The following CUX1 variants were observed in gnomAD, a reference collection of about 807,000 sequenced individuals.
CUX1 encodes protein CASP.
Under a neutral mutation model 158.8 loss-of-function variants are expected in CUX1, and 31 were observed. The ratio of observed to expected loss-of-function variants is 0.20; its 90% CI spans 0.15 to 0.26. CUX1 has a LOEUF of 0.26. CUX1 is among the 10% of genes least tolerant of loss of function. The probability of loss-of-function intolerance (pLI) is 1.00; values close to 1 mark genes in which losing one functional copy is unlikely to be tolerated. For synonymous variants in CUX1, 879 were observed against 862.1 expected, an observed-to-expected ratio of 1.02 and a Z score of -0.34; for missense variants, 1,589 against 2,014.6, an observed-to-expected ratio of 0.79 and a Z score of 4.04.
At chr7:102,246,305 C>T (rs1161346068) in intron 23 of CUX1, among the ~76,000 whole-genome samples, 1 of 152,188 alleles carries the variant, frequency 6.6e-6, no homozygotes, top group African/African-American at 2.4e-5. Context: ...CCCAAGGTAG[C>T]CCCAGGGAAG....
intron 1 of CUX1, among the ~76,000 whole-genome samples, chr7:101,864,518 T>A (rs1797759807): frequency 1.3e-5 from 2 of 151,824 alleles, no homozygotes; most frequent in Non-Finnish European, 2.9e-5. Flanking sequence ...TGGTATCTCA[T>A]TGTGGTTTTG....
chr7:102,223,065 A>G (rs1004630615), intron 20 of CUX1, among the ~76,000 whole-genome samples: 1 of 150,640 alleles, frequency 6.6e-6, no homozygotes, highest in Non-Finnish European at 1.5e-5. Flanking sequence ...CAGCCTCCCA[A>G]AGTGCTGGGA....
chr7:101,986,369 G>A (rs1411903972), intron 2 of CUX1, among the ~76,000 whole-genome samples: 2 of 152,170 alleles, frequency 1.3e-5, no homozygotes, highest in African/African-American at 4.8e-5. Context: ...TAGAATACAA[G>A]GCTCTTTTCC....
At chr7:101,845,017 A>AT (rs1408391843) in intron 1 of CUX1, among the ~76,000 whole-genome samples, 1 of 151,784 alleles carries the variant, frequency 6.6e-6, no homozygotes, top group Admixed American at 6.6e-5. Flanking sequence ...CTGATGTCTT[A>AT]TTTTTTTCTT....
intron 2 of CUX1, among the ~76,000 whole-genome samples, chr7:101,969,359 C>CAAAAAAAAAAAAAAAAAAAAAAAG (rs1811641271): frequency 1.0e-3 from 56 of 56,102 alleles, no homozygotes; most frequent in Non-Finnish European, 1.2e-3. Flanking sequence ...CAAAAAACAG[C>CAAAAAAAAAAAAAAAAAAAAAAAG]AAAAAAAAAA....
At position 102,227,475 on chromosome 7, in the gene CUX1, C is replaced by G. The variant is rs782476264; in HGVS notation, c.3239C>G (p.Pro1080Arg). 3 of 1,614,130 alleles carry G rather than the reference C, an allele frequency of 1.9e-6. No individual in the cohort carries two copies. The highest frequency in any genetic ancestry group is 1.3e-5 in the African/African-American group (1 of 75,042). Reference protein sequence around the residue: ...LTELVQQPCPPIEASKDSKPP... With the variant: ...LTELVQQPCPRIEASKDSKPP... Reference sequence around the variant, plus strand: ...GAGCTGGTCCAGCAGCCCTGTCCCCCCATCGAGGCGAGCAAGGACAGCAAG... The same window carrying G: ...GAGCTGGTCCAGCAGCCCTGTCCCCGCATCGAGGCGAGCAAGGACAGCAAG... The change falls in exon 21 of 24, where the codon CCC (proline) becomes CGC (arginine). Residue 1080 changes from proline (P) to arginine (R), a missense_variant. Coordinates refer to ENST00000292535, the MANE Select transcript of CUX1 (RefSeq NM_181552.4).
At chr7:102,087,955 T>C (rs1828120716) in intron 4 of CUX1, among the ~76,000 whole-genome samples, 1 of 152,120 alleles carries the variant, frequency 6.6e-6, no homozygotes, top group African/African-American at 2.4e-5. Flanking sequence ...GGCAATGAAT[T>C]CTGTTAGCTT....
At chr7:102,272,910 C>G (rs1429408257) in intron 14 of CUX1, among the ~76,000 whole-genome samples, 1 of 152,174 alleles carries the variant, frequency 6.6e-6, no homozygotes, top group African/African-American at 2.4e-5. Context: ...GCGGCTTTCT[C>G]TGCCTCTCCT....
Position 102,119,353 on chromosome 7 carries a change from C to T in CUX1, c.674+4080C>T, listed in dbSNP as rs543552899. ...AGGCTGCTCCGAGACCCCGGTTTAT[C>T]GTGAGCAGTCATCGCCATGCGTCAG... On this transcript the variant is annotated intron_variant, in intron 8 of 23. Transcript: ENST00000292535. 2.0e-5 allele frequency among the ~76,000 whole-genome samples: 3 copies of T among 152,290 alleles called. No homozygotes were observed. The East Asian group carries it at 5.8e-4, about 29-fold the overall frequency.
intron 1 of CUX1, among the ~76,000 whole-genome samples, chr7:101,826,326 G>A (rs868416): frequency 0.079 from 12,002 of 151,894 alleles, 1,004 homozygotes; most frequent in East Asian, 0.46. Flanking sequence ...AGCCTCCCGG[G>A]TAGCTGGGAC....
chr7:101,829,419 G>A (rs1423230556), intron 1 of CUX1, among the ~76,000 whole-genome samples: 2 of 152,140 alleles, frequency 1.3e-5, no homozygotes, highest in African/African-American at 2.4e-5. Context: ...TAGGCTCTTG[G>A]TTTATTTCAT....
At chr7:102,093,681 G>C (rs1554483070) in intron 4 of CUX1, among the ~76,000 whole-genome samples, 1 of 152,196 alleles carries the variant, frequency 6.6e-6, no homozygotes, top group Non-Finnish European at 1.5e-5. Flanking sequence ...AATATGTACA[G>C]TATTGTTGTT....
chr7:102,258,154 A>G lies in CUX1; in HGVS notation c.*9112A>G. On this transcript the variant is annotated 3_prime_UTR_variant, in exon 24 of 24. Transcript: ENST00000292535. ...TAATACGGAGAAGCAATATCACTGTATGAGACTCACACCATGTATTATTAT... is the reference window on the plus strand; with the variant it reads ...TAATACGGAGAAGCAATATCACTGTGTGAGACTCACACCATGTATTATTAT... 1.0e-6 allele frequency: 1 copy of G among 979,960 alleles called. No homozygotes were observed. The highest frequency in any genetic ancestry group is 1.2e-6 in the Non-Finnish European group (1 of 824,812). 60.7% of individuals were successfully genotyped at this position (979,960 alleles called of 1,614,324 possible). A position where few individuals can be genotyped will look rare whatever the true frequency, so the allele number is the denominator to read the frequency against.
chr7:101,941,479 C>G (rs1807709585), intron 2 of CUX1, among the ~76,000 whole-genome samples: 1 of 152,198 alleles, frequency 6.6e-6, no homozygotes, highest in South Asian at 2.1e-4. Flanking sequence ...GGGCTCACAT[C>G]TTTGTTTTGT....
intron 2 of CUX1, among the ~76,000 whole-genome samples, chr7:101,942,522 G>A (rs1449263058): frequency 6.6e-6 from 1 of 152,148 alleles, no homozygotes; most frequent in Non-Finnish European, 1.5e-5. Flanking sequence ...GAGTGCAGTG[G>A]TGTGGTCTCA....
In CUX1 at chr7:102,252,242, C is replaced by G. The variant is rs187203541; in HGVS notation, c.*3200C>G. 4 of 985,350 alleles carry G rather than the reference C, an allele frequency of 4.1e-6. No homozygotes were observed. In the African/African-American group the frequency reaches 5.2e-5, roughly 13 times the overall value. 61.0% of individuals were successfully genotyped at this position (985,350 alleles called of 1,614,324 possible). ...GCAATCCGTGGCCAGGGGAGCACCC[C>G]CTCCTGGTTGGGCCCCTCAGTTGGA... On this transcript the variant is annotated 3_prime_UTR_variant, in exon 24 of 24. Coordinates refer to ENST00000292535, the MANE Select transcript of CUX1 (RefSeq NM_181552.4).
chr7:101,891,184 TCTGAGA>T (rs369084316), intron 1 of CUX1, among the ~76,000 whole-genome samples: 21 of 152,210 alleles, frequency 1.4e-4, no homozygotes, highest in African/African-American at 4.6e-4. Context: ...CTGTTTGGAG[TCTGAGA>T]CTGGATCTGT....
At chr7:102,238,989 A>G (rs1799881933) in intron 22 of CUX1, among the ~76,000 whole-genome samples, 1 of 152,194 alleles carries the variant, frequency 6.6e-6, no homozygotes, top group Admixed American at 6.5e-5. Flanking sequence ...TCCCAGGTTC[A>G]TGCAATTCTG....
intron 4 of CUX1, among the ~76,000 whole-genome samples, chr7:102,094,852 G>A (rs531063916): frequency 6.6e-6 from 1 of 152,200 alleles, no homozygotes; most frequent in Non-Finnish European, 1.5e-5. Context: ...GGTCGTGAAG[G>A]TGGGGAAGAG....
Sources: gnomAD v4.1 joint callset for allele counts (sites outside exome capture counted in the v4.1 genomes callset) on GRCh38, gnomAD v4.1.1 for gene constraint, MANE v1.5 for transcripts, NCBI Gene and HGNC (gene_info 2026-07-23, HGNC 2026-07-21) for gene names.